GPX5: variants seen among roughly 807,000 people sequenced by gnomAD.
The protein encoded by GPX5 is glutathione peroxidase 5.
A neutral mutation model predicts 23.8 loss-of-function variants in GPX5; 20 were observed. The observed-to-expected ratio is 0.84, with a 90% CI of 0.59 to 1.22. The LOEUF is 1.22. Among genes scored for constraint, GPX5 ranks in the 50% most tolerant of loss-of-function variants. GPX5 has a pLI of 0.00. For missense variants in GPX5, 230 were observed against 266.6 expected, an observed-to-expected ratio of 0.86 and a Z score of 0.96; for synonymous variants, 92 against 99.5, an observed-to-expected ratio of 0.92 and a Z score of 0.45.
chr6:28,526,152 G>A (rs770847624), intron 1 of GPX5, 52 bp downstream of exon 1: 4 of 1,323,422 alleles, frequency 3.0e-6, no homozygotes, highest in Non-Finnish European at 4.4e-6. Flanking sequence ...CCTACTTCTA[G>A]ACCCTGCCCT....
intron 1 of GPX5, chr6:28,527,557 C>CA (rs1763234426): frequency 6.6e-6 from 1 of 152,158 alleles, no homozygotes; most frequent in Non-Finnish European, 1.5e-5. Flanking sequence ...GAATGGGGGG[C>CA]AGATGATGTT....
chr6:28,533,357 C>G (rs1455849792), intron 4 of GPX5, among the ~76,000 whole-genome samples: 1 of 151,988 alleles, frequency 6.6e-6, no homozygotes, highest in Non-Finnish European at 1.5e-5. Flanking sequence ...CCTCTGCACC[C>G]CAGCCTGGGC....
chr6:28,531,220 T>G (rs1442958495), intron 2 of GPX5, among the ~76,000 whole-genome samples: 4 of 134,834 alleles, frequency 3.0e-5, no homozygotes, highest in Non-Finnish European at 6.6e-5. Context: ...AATACAGAAA[T>G]ATTAGCTGGG....
intron 2 of GPX5, among the ~76,000 whole-genome samples, chr6:28,530,651 A>G (rs1222152260): frequency 6.6e-6 from 1 of 152,176 alleles, no homozygotes; most frequent in Admixed American, 6.5e-5. Flanking sequence ...TCATTTCCTC[A>G]TTCTTTCTTA....
intron 2 of GPX5, among the ~76,000 whole-genome samples, chr6:28,530,724 G>T (rs1000182346): frequency 2.0e-5 from 3 of 152,092 alleles, no homozygotes; most frequent in Non-Finnish European, 2.9e-5. Flanking sequence ...TTTAAGAATC[G>T]ATTTATTCAG....
chr6:28,531,389 A>AAAAAAAG (rs1763315872), intron 2 of GPX5, among the ~76,000 whole-genome samples: 1 of 69,550 alleles, frequency 1.4e-5, no homozygotes, highest in African/African-American at 6.8e-5. Flanking sequence ...AAAAAAAAAA[A>AAAAAAAG]AAAAGAAAAG....
chr6:28,532,711 C>G (rs1010981506), intron 4 of GPX5, among the ~76,000 whole-genome samples: 4 of 152,166 alleles, frequency 2.6e-5, no homozygotes, highest in Non-Finnish European at 2.9e-5. Context: ...TCCAGGTACA[C>G]TTGATGAATG....
At chr6:28,530,929 A>T (rs1167682955) in intron 2 of GPX5, among the ~76,000 whole-genome samples, 8 of 152,226 alleles carry the variant, frequency 5.3e-5, no homozygotes, top group Admixed American at 2.0e-4. Flanking sequence ...GTTAACAAAG[A>T]AGATGATTAT....
At chr6:28,531,947 T>C (rs773470416) in intron 3 of GPX5, 52 bp downstream of exon 3, 1 of 1,253,958 alleles carries the variant, frequency 8.0e-7, no homozygotes, top group African/African-American at 1.5e-5. Flanking sequence ...CTTTCCTCAG[T>C]CTCCAGAGGC....
chr6:28,533,796 G>T (rs757322697), intron 4 of GPX5, among the ~76,000 whole-genome samples, 165 bp from the exon 5 acceptor site: 1 of 152,158 alleles, frequency 6.6e-6, no homozygotes, highest in African/African-American at 2.4e-5. Context: ...AATATTCTTG[G>T]TAGTTGGCAT....
chr6:28,528,853 ATATATATATATATATATATATATATATG>A (rs1562009139), intron 1 of GPX5, among the ~76,000 whole-genome samples: 1 of 49,936 alleles, frequency 2.0e-5, no homozygotes, highest in Admixed American at 2.4e-4. Context: ...ATATATATAT[ATATATATATATATATATATATATATATG>A]GTACAAGAGA....
chr6:28,531,672 C>T, intron 2 of GPX5, 106 bp from the exon 3 acceptor site: 2 of 729,588 alleles, frequency 2.7e-6, no homozygotes, highest in Admixed American at 2.4e-5. Context: ...TGTTTCCCTC[C>T]CTGGGCCTCT....
intron 2 of GPX5, among the ~76,000 whole-genome samples, chr6:28,531,215 A>G (rs1704240946): frequency 6.6e-6 from 1 of 151,770 alleles, no homozygotes; most frequent in African/African-American, 2.4e-5. Flanking sequence ...CTAAAAATAC[A>G]GAAATATTAG....
rs758743191 is a variant in GPX5, at chr6:28,529,513, G to C, written c.150G>C (p.Lys50Asn). 15 of 1,613,484 alleles carry C rather than the reference G, an allele frequency of 9.3e-6. No individual in the cohort carries two copies. The African/African-American group carries it at 1.7e-4, about 19-fold the overall frequency. The part of the protein sequence containing the change: ...IYDYEAIALN[K>N]NEYVSFKQYV... ...ACTATGAGGCCATCGCACTTAATAA[G>C]AATGAATATGTTTCCTTCAAGCAGT... The change falls in exon 2 of 5, where the codon AAG becomes AAC. Residue 50 changes from lysine to asparagine, a missense_variant. By Grantham distance (94) the Lys-to-Asn change is moderately conservative (BLOSUM62 0). Coordinates refer to ENST00000412168, the MANE Select transcript of GPX5 (RefSeq NM_001509.3).
At chr6:28,532,189 G>A (rs764593160) in intron 3 of GPX5, 132 bp from the exon 4 acceptor site, 28 of 654,180 alleles carry the variant, frequency 4.3e-5, no homozygotes, top group Non-Finnish European at 6.7e-5. Context: ...TCAAAACATG[G>A]CCATATTCCT....
Position 28,525,950 on chromosome 6 carries a change from C to T in GPX5, c.-64C>T, listed in dbSNP as rs945201021. ...TTGGGCTAAGTCCCTGCCAAGATAC[C>T]AAAAGACTGCAGAGGTGGGCAAAGA... On this transcript the variant is annotated 5_prime_UTR_variant, in exon 1 of 5. The change creates a premature stop within an existing upstream ORF in the 5' untranslated region. Transcript: ENST00000412168. 1.6e-6 allele frequency: 2 copies of T among 1,231,608 alleles called. No homozygotes were observed. Among genetic ancestry groups the T allele is most frequent in the African/African-American group, 1.5e-5 (1 of 67,570 alleles). The allele number at this position is 1,231,608 out of a possible 1,614,324, so 76.3% of individuals were successfully genotyped here.
At position 28,534,111 on chromosome 6, in the gene GPX5, G is replaced by C; in HGVS notation, c.610G>C (p.Val204Leu). The change falls in exon 5 of 5, where the codon GTC becomes CTC. Residue 204 changes from valine (V) to leucine (L), a missense_variant. Transcript: ENST00000412168. ...PVMRWSHRAT[V>L]SSVKTDILAY... is the part of the protein sequence containing the mutation. ...CATGCGCTGGTCCCACCGGGCTACG[G>C]TCAGCTCAGTCAAGACAGACATCCT... 1.9e-6 allele frequency: 3 copies of C among 1,609,670 alleles called. No individual in the cohort carries two copies. Among genetic ancestry groups the C allele is most frequent in the Non-Finnish European group, 2.5e-6 (3 of 1,178,308 alleles).
At chr6:28,528,815 A>G (rs867510889) in intron 1 of GPX5, among the ~76,000 whole-genome samples, 274 of 596 alleles carry the variant, frequency 0.46, 4 homozygotes, top group Middle Eastern at 0.5. Context: ...ATATGTGTGT[A>G]TATATATATA....
intron 1 of GPX5, among the ~76,000 whole-genome samples, chr6:28,528,907 A>G (rs1422070879): frequency 1.4e-5 from 2 of 144,940 alleles, no homozygotes; most frequent in Non-Finnish European, 3.0e-5. Context: ...TGATACAGAC[A>G]TGCAATGTGT....
Sources: allele counts gnomAD v4.1 joint callset (sites outside exome capture counted in the v4.1 genomes callset), GRCh38; gene constraint gnomAD v4.1.1; transcripts MANE v1.5; gene names NCBI Gene and HGNC (gene_info 2026-07-23, HGNC 2026-07-21).